KSR1: variants seen among roughly 807,000 people sequenced by gnomAD.
KSR1 encodes the protein kinase suppressor of ras 1.
In KSR1, 35 loss-of-function variants were observed where a neutral mutation model predicts 92.9. The observed-to-expected ratio is 0.38, with a 90% CI of 0.29 to 0.50. The LOEUF is 0.50. Ranked by LOEUF, KSR1 falls within the 20% of genes least tolerant of loss-of-function variation. KSR1 has a pLI of 0.94. For missense variants in KSR1, 972 were observed against 1,158.5 expected (o/e 0.84, Z 2.34); for synonymous variants, 467 against 472.6 (o/e 0.99, Z 0.15).
At chr17:27,568,922 G>T (rs2072194618) in intron 2 of KSR1, among the ~76,000 whole-genome samples, 1 of 152,152 alleles carries the variant, frequency 6.6e-6, no homozygotes. Flanking sequence ...GCCCTATTTT[G>T]TGCAGGGCGG....
At chr17:27,584,267 C>G (rs2072885923) in intron 4 of KSR1, among the ~76,000 whole-genome samples, 2 of 152,188 alleles carry the variant, frequency 1.3e-5, no homozygotes, top group South Asian at 4.2e-4. Flanking sequence ...TTCCTTGGGC[C>G]CTGGTGTATC....
intron 3 of KSR1, among the ~76,000 whole-genome samples, 183 bp from the exon 4 acceptor site, chr17:27,582,463 C>T (rs1238882968): frequency 6.6e-6 from 1 of 152,120 alleles, no homozygotes; most frequent in Non-Finnish European, 1.5e-5. Flanking sequence ...TCATGGTTGG[C>T]TAGATAATGT....
chr17:27,494,937 C>T (rs1437058054), intron 1 of KSR1, among the ~76,000 whole-genome samples: 1 of 152,222 alleles, frequency 6.6e-6, no homozygotes, highest in East Asian at 1.9e-4. Flanking sequence ...TAAGCAAGTG[C>T]CCCAGGTGAT....
intron 11 of KSR1, among the ~76,000 whole-genome samples, chr17:27,602,556 G>A (rs2073603687): frequency 2.0e-5 from 3 of 152,236 alleles, no homozygotes; most frequent in African/African-American, 7.2e-5. Flanking sequence ...TAACTTTTAA[G>A]CAAAAGCATG....
intron 1 of KSR1, among the ~76,000 whole-genome samples, chr17:27,509,459 T>C (rs1030436799): frequency 1.8e-4 from 28 of 151,968 alleles, no homozygotes; most frequent in African/African-American, 6.3e-4. Context: ...CCCGGCTATT[T>C]TTTGTATTTT....
At chr17:27,619,987 C>T (rs542721071) in intron 19 of KSR1, among the ~76,000 whole-genome samples, 14 of 152,310 alleles carry the variant, frequency 9.2e-5, no homozygotes, top group South Asian at 6.2e-4. Flanking sequence ...CATGAGCCAC[C>T]GCGCCCGGCC....
chr17:27,624,329 A>G lies in KSR1; in HGVS notation c.*937A>G, dbSNP rs1199594504. Reference sequence around the variant, plus strand: ...AGCCACAGGGTGACCCTGGCACTGTAAAAACCCTTTGTCAGTCATGCCAGA... The same window carrying G: ...AGCCACAGGGTGACCCTGGCACTGTGAAAACCCTTTGTCAGTCATGCCAGA... On this transcript the variant is annotated 3_prime_UTR_variant, in exon 21 of 21. Coordinates refer to ENST00000644974, the MANE Select transcript of KSR1 (RefSeq NM_001394583.1). The G allele has an allele frequency of 6.6e-6, 1 of 152,270 alleles. No individual in the cohort carries two copies. The highest frequency in any genetic ancestry group is 2.4e-5 in the African/African-American group (1 of 41,468). The allele number at this position is 152,270 out of a possible 1,614,324, so 9.4% of individuals were successfully genotyped here.
intron 2 of KSR1, chr17:27,557,932 G>A (rs1216470524): frequency 2.0e-5 from 3 of 152,572 alleles, no homozygotes; most frequent in African/African-American, 7.2e-5. Context: ...TCTGCCGCAC[G>A]GATCATGGGG....
chr17:27,526,086 TTCTTTCTTTCTCTC>T (rs2070279454), intron 1 of KSR1, among the ~76,000 whole-genome samples: 2 of 92,144 alleles, frequency 2.2e-5, no homozygotes, highest in African/African-American at 1.0e-4. Flanking sequence ...CTTTCTTTCT[TTCTTTCTTTCTCTC>T]TCTCTCTCTC....
At chr17:27,512,133 C>T (rs914770115) in intron 1 of KSR1, among the ~76,000 whole-genome samples, 2 of 152,162 alleles carry the variant, frequency 1.3e-5, no homozygotes, top group African/African-American at 2.4e-5. Context: ...AGCAAAATTC[C>T]CTGCTCTTTC....
At chr17:27,470,963 C>T (rs1318469972) in intron 1 of KSR1, among the ~76,000 whole-genome samples, 1 of 152,028 alleles carries the variant, frequency 6.6e-6, no homozygotes, top group African/African-American at 2.4e-5. Context: ...CTCTGCCTCC[C>T]GGGTTCAAGC....
intron 1 of KSR1, among the ~76,000 whole-genome samples, chr17:27,475,150 A>G (rs910540110): frequency 2.0e-5 from 3 of 152,094 alleles, no homozygotes; most frequent in Non-Finnish European, 4.4e-5. Flanking sequence ...GCCAAAGGGG[A>G]GTGAACCAGG....
At chr17:27,561,265 C>G (rs929031959) in intron 2 of KSR1, among the ~76,000 whole-genome samples, 2 of 152,172 alleles carry the variant, frequency 1.3e-5, no homozygotes, top group East Asian at 3.8e-4. Context: ...TTTGGGGCTA[C>G]TGTATGATAT....
chr17:27,528,764 G>T (rs2070416911), intron 1 of KSR1, among the ~76,000 whole-genome samples: 1 of 152,142 alleles, frequency 6.6e-6, no homozygotes, highest in African/African-American at 2.4e-5. Context: ...AGTTAGCTGG[G>T]TATAGTGGTG....
At chr17:27,604,569 G>C (rs951558234) in intron 12 of KSR1, 111 bp from the exon 13 acceptor site, 9 of 1,092,058 alleles carry the variant, frequency 8.2e-6, no homozygotes, top group Non-Finnish European at 1.1e-5. Context: ...CCCTAGCCAG[G>C]TGTGAGTCAG....
At chr17:27,573,015 C>A (rs556407789) in intron 2 of KSR1, among the ~76,000 whole-genome samples, 2 of 152,274 alleles carry the variant, frequency 1.3e-5, no homozygotes, top group South Asian at 4.1e-4. Context: ...AAAGCCTGGT[C>A]CCCTGGAGTA....
chr17:27,562,934 T>C (rs2071891134), intron 2 of KSR1, among the ~76,000 whole-genome samples: 1 of 152,180 alleles, frequency 6.6e-6, no homozygotes, highest in Non-Finnish European at 1.5e-5. Flanking sequence ...GTCCCTTGAC[T>C]TCTCTGAGCC....
At chr17:27,526,359 A>T in intron 1 of KSR1, 1 of 1,400,288 alleles carries the variant, frequency 7.1e-7, no homozygotes, top group South Asian at 1.4e-5. Flanking sequence ...CAACACAATT[A>T]ATTACAAGAG....
At chr17:27,594,885 A>G (rs1342764020) in intron 9 of KSR1, among the ~76,000 whole-genome samples, 3 of 152,118 alleles carry the variant, frequency 2.0e-5, no homozygotes, top group Non-Finnish European at 4.4e-5. Context: ...GAACAACGCT[A>G]TGACCTGGCA....
Sources: allele counts gnomAD v4.1 joint callset (sites outside exome capture counted in the v4.1 genomes callset), GRCh38; gene constraint gnomAD v4.1.1; transcripts MANE v1.5; gene names NCBI Gene and HGNC (gene_info 2026-07-23, HGNC 2026-07-21).